CA1: variants seen among roughly 807,000 people sequenced by gnomAD.
CA1 encodes the protein carbonate dehydratase I.
A neutral mutation model predicts 28.8 loss-of-function variants in CA1; 27 were observed. The ratio of observed to expected loss-of-function variants is 0.94; its 90% CI spans 0.69 to 1.29. The LOEUF (loss-of-function observed/expected upper bound fraction) is 1.29. Ranked by LOEUF, CA1 falls within the 50% of genes most tolerant of loss-of-function variation. The pLI, the probability that CA1 is intolerant of heterozygous loss-of-function variation, is 0.00. For synonymous variants in CA1, 121 were observed against 108.8 expected, an observed-to-expected ratio of 1.11 and a Z score of -0.70; for missense variants, 335 against 310.5, an observed-to-expected ratio of 1.08 and a Z score of -0.59.
intron 1 of CA1, among the ~76,000 whole-genome samples, chr8:85,375,150 A>G (rs1167486291): frequency 6.6e-6 from 1 of 152,198 alleles, no homozygotes; most frequent in Non-Finnish European, 1.5e-5. Context: ...TTATTTTTAC[A>G]ATATTGCCAC....
intron 4 of CA1, among the ~76,000 whole-genome samples, chr8:85,335,077 G>T (rs761373203): frequency 1.3e-5 from 2 of 152,120 alleles, no homozygotes; most frequent in African/African-American, 2.4e-5. Context: ...AATGAAAAAA[G>T]AATGATTAAG....
intron 1 of CA1, among the ~76,000 whole-genome samples, chr8:85,354,127 C>T (rs1809514733): frequency 6.7e-6 from 1 of 148,620 alleles, no homozygotes; most frequent in Non-Finnish European, 1.5e-5. Flanking sequence ...CCACACCCAG[C>T]TAATTTTTTT....
At chr8:85,367,916 T>C (rs1564049557) in intron 1 of CA1, among the ~76,000 whole-genome samples, 2 of 152,278 alleles carry the variant, frequency 1.3e-5, no homozygotes, top group East Asian at 3.9e-4. Context: ...GTATTTTGTA[T>C]GTTGTATAAA....
intron 1 of CA1, among the ~76,000 whole-genome samples, chr8:85,364,211 T>C (rs563975639): frequency 7.2e-5 from 11 of 152,178 alleles, no homozygotes; most frequent in Non-Finnish European, 1.3e-4. Context: ...CTCTTTAATG[T>C]GAAATGCCCA....
At chr8:85,342,678 A>C (rs146538763) in intron 1 of CA1, 1 of 152,344 alleles carries the variant, frequency 6.6e-6, no homozygotes, top group African/African-American at 2.4e-5. Flanking sequence ...GATGTGCCAG[A>C]CTCTGGCCAG....
intron 5 of CA1, among the ~76,000 whole-genome samples, chr8:85,332,796 G>A (rs978526629): frequency 1.3e-5 from 2 of 151,922 alleles, no homozygotes; most frequent in African/African-American, 2.4e-5. Flanking sequence ...TTAATTATTG[G>A]CAATATGTTC....
intron 6 of CA1, among the ~76,000 whole-genome samples, chr8:85,330,660 C>T (rs1808360019): frequency 6.6e-6 from 1 of 152,014 alleles, no homozygotes; most frequent in Admixed American, 6.6e-5. Flanking sequence ...TTGTTTCATC[C>T]TAAAGAAAGG....
chr8:85,342,768 T>A (rs143623390), intron 1 of CA1: 1 of 152,372 alleles, frequency 6.6e-6, no homozygotes, highest in Non-Finnish European at 1.5e-5. Context: ...GCTTTTTTCA[T>A]GCCATGACAG....
At chr8:85,375,224 A>G (rs1467882314) in intron 1 of CA1, among the ~76,000 whole-genome samples, 1 of 152,134 alleles carries the variant, frequency 6.6e-6, no homozygotes, top group Non-Finnish European at 1.5e-5. Flanking sequence ...TCCACCTTAG[A>G]TAATTGTAAA....
At position 85,375,624 on chromosome 8, in the gene CA1, T is replaced by C. The variant is rs184397371; in HGVS notation, c.-25+2422A>G. 6.5e-4 allele frequency among the ~76,000 whole-genome samples: 99 copies of C among 152,198 alleles called. 1 individual carries two copies. Among genetic ancestry groups the C allele is most frequent in the African/African-American group, 2.3e-3 (96 of 41,508 alleles). On this transcript the variant is annotated intron_variant, in intron 1 of 7. Coordinates refer to ENST00000523022, the MANE Select transcript of CA1 (RefSeq NM_001128831.4). ...ACATCCCAAGGGAAGATCTACATGCTCTAAATGAGTTTGTGTCTCTTGGAG... is the reference window on the plus strand; with the variant it reads ...ACATCCCAAGGGAAGATCTACATGCCCTAAATGAGTTTGTGTCTCTTGGAG...
chr8:85,346,244 A>G (rs1274297303), intron 1 of CA1, among the ~76,000 whole-genome samples: 1 of 152,206 alleles, frequency 6.6e-6, no homozygotes, highest in Admixed American at 6.5e-5. Context: ...TATCTAGTGA[A>G]CTTTTATGCT....
chr8:85,337,227 C>A, intron 3 of CA1, 164 bp from the exon 4 acceptor site: 1 of 657,690 alleles, frequency 1.5e-6, no homozygotes, highest in Non-Finnish European at 2.8e-6. Flanking sequence ...GGATGACAGT[C>A]ATATGTATGG....
At chr8:85,349,838 G>C (rs1393095017) in intron 1 of CA1, 1 of 152,184 alleles carries the variant, frequency 6.6e-6, no homozygotes, top group Non-Finnish European at 1.5e-5. Context: ...TAGGTGTAAA[G>C]GATCAGCCTA....
intron 1 of CA1, among the ~76,000 whole-genome samples, chr8:85,361,479 C>A (rs2130345957): frequency 6.6e-6 from 1 of 152,222 alleles, no homozygotes; most frequent in South Asian, 2.1e-4. Flanking sequence ...AAGTTTGAGA[C>A]CAGCCTGGCC....
chr8:85,344,221 T>A (rs567906614), intron 1 of CA1, among the ~76,000 whole-genome samples: 5 of 37,984 alleles, frequency 1.3e-4, no homozygotes, highest in South Asian at 5.1e-4. Context: ...ATAATTATAT[T>A]ATATACAGTA....
intron 1 of CA1, among the ~76,000 whole-genome samples, chr8:85,371,115 A>G (rs1295449200): frequency 6.6e-6 from 1 of 152,124 alleles, no homozygotes; most frequent in Admixed American, 6.6e-5. Flanking sequence ...GGGAGTTTAA[A>G]GGAGATTTAA....
chr8:85,332,599 C>A, intron 5 of CA1, 47 bp from the exon 6 acceptor site: 2 of 1,370,296 alleles, frequency 1.5e-6, no homozygotes, highest in South Asian at 1.2e-5. Context: ...TATTATCAAT[C>A]GAACACTGCT....
chr8:85,359,634 C>T (rs988954729), intron 1 of CA1, among the ~76,000 whole-genome samples: 1 of 152,176 alleles, frequency 6.6e-6, no homozygotes, highest in Non-Finnish European at 1.5e-5. Context: ...CAGGACAGGG[C>T]AGCTGGAGAA....
chr8:85,367,292 T>C (rs994375364), intron 1 of CA1, among the ~76,000 whole-genome samples: 6 of 152,284 alleles, frequency 3.9e-5, no homozygotes, highest in African/African-American at 1.4e-4. Flanking sequence ...TATTGCCTTA[T>C]AAAATTGGAA....
Sources: gnomAD v4.1 joint callset for allele counts (sites outside exome capture counted in the v4.1 genomes callset) on GRCh38, gnomAD v4.1.1 for gene constraint, MANE v1.5 for transcripts, NCBI Gene and HGNC (gene_info 2026-07-23, HGNC 2026-07-21) for gene names.